KMT2C: variants seen among roughly 807,000 people sequenced by gnomAD.
KMT2C encodes the protein lysine methyltransferase 2C.
A neutral mutation model predicts 507.9 loss-of-function variants in KMT2C; 88 were observed. The observed-to-expected ratio is 0.17, with a 90% CI of 0.15 to 0.21. The LOEUF is 0.21. KMT2C is among the 10% of genes least tolerant of loss of function. The pLI is 1.00. For synonymous variants in KMT2C, 2,049 were observed against 2,080.8 expected, an observed-to-expected ratio of 0.98 and a Z score of 0.42; for missense variants, 4,954 against 5,957.8, an observed-to-expected ratio of 0.83 and a Z score of 5.55.
chr7:152,334,184 G>A (rs1277147879), intron 2 of KMT2C, among the ~76,000 whole-genome samples: 8 of 152,164 alleles, frequency 5.3e-5, no homozygotes, highest in Admixed American at 2.0e-4. Context: ...GGCCGGGTGC[G>A]GTGGCTCACG....
chr7:152,413,964 C>T (rs1193685031), intron 1 of KMT2C, among the ~76,000 whole-genome samples: 1 of 151,826 alleles, frequency 6.6e-6, no homozygotes, highest in Non-Finnish European at 1.5e-5. Context: ...GTAATCCCAA[C>T]TCTCTGGGAG....
chr7:152,207,475 T>C (rs758270746), intron 23 of KMT2C, 47 bp from the exon 24 acceptor site: 16 of 1,501,378 alleles, frequency 1.1e-5, no homozygotes, highest in East Asian at 6.8e-5. Context: ...ACCTATCAAA[T>C]ATATAATCCC....
chr7:152,177,064 T>C lies in KMT2C; in HGVS notation c.8389A>G (p.Lys2797Glu), dbSNP rs2129114153. ...NQCVSVEPKK[K>E]EQENKTLVLS... ...ACCAGAGTTTTGTTTTCTTGTTCCT[T>C]TTTTTTTGGTTCAACAGATACACAC... Residue 2797 changes from lysine to glutamate, a missense_variant, in exon 38 of 59, where the codon AAG (lysine) becomes GAG (glutamate). This residue lies in a region of KMT2C where 1,689 missense variants were observed against 1,654.3 expected (regional missense o/e 1.02). Transcript: ENST00000262189. 2 of 1,609,614 alleles carry C rather than the reference T, an allele frequency of 1.2e-6. No homozygotes were observed. Among genetic ancestry groups the C allele is most frequent in the Non-Finnish European group, 1.7e-6 (2 of 1,178,392 alleles).
In KMT2C at chr7:152,252,098, GA is replaced by G. The variant is rs1323022377; in HGVS notation, c.1470-9del. ...CACTCTAGGTGAACCCACCTGCAGT[GA>G]TAAGTATACTTAAATAAAAATTTCT... On this transcript the variant is annotated splice_polypyrimidine_tract_variant and intron_variant, in intron 10 of 58. Transcript: ENST00000262189. 1 of 1,576,240 alleles carries G rather than the reference GA, an allele frequency of 6.3e-7. No individual in the cohort carries two copies. The highest frequency in any genetic ancestry group is 1.2e-5 in the South Asian group (1 of 83,906).
chr7:152,336,618 A>G (rs1249325609), intron 2 of KMT2C, among the ~76,000 whole-genome samples: 3 of 152,154 alleles, frequency 2.0e-5, no homozygotes, highest in Non-Finnish European at 4.4e-5. Flanking sequence ...TAGCCATTCA[A>G]CCAATAAAAC....
chr7:152,368,603 T>C, intron 1 of KMT2C: 1 of 1,433,292 alleles, frequency 7.0e-7, no homozygotes, highest in Non-Finnish European at 9.7e-7. Context: ...CAACATATTT[T>C]AGAACAGAAC....
chr7:152,256,261 C>T (rs149717773), intron 9 of KMT2C, among the ~76,000 whole-genome samples: 316 of 147,578 alleles, frequency 2.1e-3, no homozygotes, highest in African/African-American at 7.2e-3. Flanking sequence ...CTGAATATGA[C>T]TCAAAAATCC....
chr7:152,217,644 G>C (rs976387216), intron 23 of KMT2C, among the ~76,000 whole-genome samples: 3 of 151,888 alleles, frequency 2.0e-5, no homozygotes, highest in African/African-American at 7.3e-5. Context: ...ATTCAGATGG[G>C]CTATTTTATC....
chr7:152,145,052 C>T (rs966697068), intron 54 of KMT2C, 101 bp downstream of exon 54: 32 of 1,463,630 alleles, frequency 2.2e-5, no homozygotes, highest in Non-Finnish European at 2.9e-5. Context: ...ACATACACAG[C>T]CAGACAGCAG....
Position 152,396,941 on chromosome 7 carries a change from A to G in KMT2C, c.162-38266T>C, listed in dbSNP as rs1048070972. On this transcript the variant is annotated intron_variant, in intron 1 of 58. Coordinates refer to ENST00000262189, the MANE Select transcript of KMT2C (RefSeq NM_170606.3). Reference sequence around the variant, plus strand: ...TCCACACGTACAAATACACAAGTACAAGGATATTCCTTACAAAGATAATAA... The same window carrying G: ...TCCACACGTACAAATACACAAGTACGAGGATATTCCTTACAAAGATAATAA... Among the ~76,000 whole-genome samples, 4 of 152,230 alleles carry G rather than the reference A, an allele frequency of 2.6e-5. No individual in the cohort carries two copies. The East Asian group carries it at 5.8e-4, about 22-fold the overall frequency.
chr7:152,307,019 C>T (rs183454679), intron 6 of KMT2C, among the ~76,000 whole-genome samples: 4 of 152,048 alleles, frequency 2.6e-5, no homozygotes, highest in Non-Finnish European at 5.9e-5. Flanking sequence ...ACTAGTTAGG[C>T]GAGGTGGCGC....
intron 55 of KMT2C, among the ~76,000 whole-genome samples, chr7:152,142,723 A>G (rs560860988): frequency 4.6e-5 from 7 of 152,356 alleles, no homozygotes; most frequent in African/African-American, 1.2e-4. Context: ...CAGTTCATCA[A>G]CACTATGGAA....
Position 152,139,275 on chromosome 7 carries a change from G to C in KMT2C, c.14461-16C>G. The stretch of plus-strand genomic sequence containing the variant: ...CACCACGGTTCTGAGGGAAAAGTCA[G>C]TCAGTAAGTCATCAATGTCGACCTG... On this transcript the variant is annotated splice_polypyrimidine_tract_variant and intron_variant, in intron 56 of 58. Transcript: ENST00000262189. 4 of 1,611,174 alleles carry C rather than the reference G, an allele frequency of 2.5e-6. No individual in the cohort carries two copies. Among genetic ancestry groups the C allele is most frequent in the Non-Finnish European group, 3.4e-6 (4 of 1,179,004 alleles).
intron 1 of KMT2C, chr7:152,367,793 G>C (rs977168471): frequency 4.2e-5 from 40 of 958,030 alleles, no homozygotes; most frequent in Admixed American, 3.2e-4. Context: ...AATCACGAGT[G>C]AACAGACGTC....
intron 3 of KMT2C, among the ~76,000 whole-genome samples, chr7:152,327,494 T>C (rs2096839646): frequency 6.6e-6 from 1 of 152,182 alleles, no homozygotes; most frequent in Non-Finnish European, 1.5e-5. Context: ...GCACCTGCTC[T>C]AAACTAGCAA....
chr7:152,140,278 G>A (rs965494604), intron 55 of KMT2C, among the ~76,000 whole-genome samples: 1 of 152,214 alleles, frequency 6.6e-6, no homozygotes, highest in African/African-American at 2.4e-5. Context: ...AGGGCAAAGA[G>A]CAGACACAGG....
At position 152,151,124 on chromosome 7, in the gene KMT2C, G is replaced by A. The variant is rs780163152; in HGVS notation, c.12667-117C>T. Reference sequence around the variant, plus strand: ...GTGACAGTGGTTCTTTATCTTAATAGTAGAAAGGAAACTATGTTCCAATAT... The same window carrying A: ...GTGACAGTGGTTCTTTATCTTAATAATAGAAAGGAAACTATGTTCCAATAT... On this transcript the variant is annotated intron_variant, in intron 50 of 58. Transcript: ENST00000262189. 7 of 673,476 alleles carry A rather than the reference G, an allele frequency of 1.0e-5. No homozygotes were observed. In the Admixed American group the frequency reaches 2.1e-4, roughly 21 times the overall value. 41.7% of individuals were successfully genotyped at this position (673,476 alleles called of 1,614,324 possible).
intron 1 of KMT2C, among the ~76,000 whole-genome samples, chr7:152,434,580 G>A (rs906103163): frequency 6.6e-6 from 1 of 152,120 alleles, no homozygotes; most frequent in African/African-American, 2.4e-5. Flanking sequence ...ACAGTTCAAT[G>A]AGAATATCAT....
intron 1 of KMT2C, chr7:152,368,002 A>G (rs770043209): frequency 1.9e-5 from 16 of 856,986 alleles, no homozygotes; most frequent in Non-Finnish European, 2.9e-5. Flanking sequence ...ATCCAAGAAC[A>G]TAAAATTAAG....
Sources: allele counts gnomAD v4.1 joint callset (sites outside exome capture counted in the v4.1 genomes callset), GRCh38; gene constraint gnomAD v4.1.1; regional missense constraint gnomAD v4.1.1; transcripts MANE v1.5; gene names NCBI Gene and HGNC (gene_info 2026-07-23, HGNC 2026-07-21).